DCSTAMP: variants seen among roughly 807,000 people sequenced by gnomAD.
The protein encoded by DCSTAMP is dendritic cell-specific transmembrane protein.
In DCSTAMP, 25 loss-of-function variants were observed where a neutral mutation model predicts 33.8. That is an observed-to-expected ratio of 0.74 (90% CI 0.54 to 1.03). The LOEUF (loss-of-function observed/expected upper bound fraction) is 1.03, where lower values mean the gene tolerates loss of function less well. Ranked by LOEUF, DCSTAMP falls within the 50% of genes least tolerant of loss-of-function variation. The pLI, the probability that DCSTAMP is intolerant of heterozygous loss-of-function variation, is 0.00. For missense variants in DCSTAMP, 531 were observed against 556.8 expected (o/e 0.95, Z 0.47); for synonymous variants, 245 against 216.7 (o/e 1.13, Z -1.15).
Position 104,349,362 on chromosome 8 carries a change from TAAGGAGGA to T in DCSTAMP, c.820_827del (p.Arg274ValfsTer12), listed in dbSNP as rs1384169057. The T allele has an allele frequency of 6.2e-7, 1 of 1,614,074 alleles. No individual in the cohort carries two copies. Among genetic ancestry groups the T allele is most frequent in the East Asian group, 2.2e-5 (1 of 44,878 alleles). ...AGAGGCCCTGTGTGCTCCCGCTGAA[TAAGGAGGA>T]AAGGAGGAAGTATGTCATCATCCCG... On this transcript the variant is annotated frameshift_variant, in exon 2 of 4. Transcript: ENST00000297581. LOFTEE classifies it high-confidence loss of function.
intron 1 of DCSTAMP, among the ~76,000 whole-genome samples, chr8:104,342,885 C>T (rs2099383183): frequency 6.6e-6 from 1 of 152,172 alleles, no homozygotes; most frequent in East Asian, 1.9e-4. Context: ...GTAACAGTCT[C>T]TGAGTAAAAT....
At chr8:104,356,085 A>G in intron 3 of DCSTAMP, 39 bp from the exon 4 acceptor site, 2 of 1,583,852 alleles carry the variant, frequency 1.3e-6, no homozygotes, top group Non-Finnish European at 1.7e-6. Context: ...AAATGACTCC[A>G]ACTCCAATGC....
At position 104,349,456 on chromosome 8, in the gene DCSTAMP, A is replaced by T; in HGVS notation, c.904A>T (p.Ile302Phe). Reference sequence around the variant, plus strand: ...GGGGCTGTTTTTCCTCCCCATACTTATCCATCTCTGCATCTGGGTGCTGTT... The same window carrying T: ...GGGGCTGTTTTTCCTCCCCATACTTTTCCATCTCTGCATCTGGGTGCTGTT... ...NLGLFFLPIL[I>F]HLCIWVLFAA... Residue 302 changes from isoleucine to phenylalanine, a missense_variant, in exon 2 of 4, where the codon ATC becomes TTC. Physicochemically the swap from Ile to Phe is conservative, Grantham distance 21 (BLOSUM62 0). Coordinates refer to ENST00000297581, the MANE Select transcript of DCSTAMP (RefSeq NM_030788.4). 1 of 1,614,138 alleles carries T rather than the reference A, an allele frequency of 6.2e-7. No individual in the cohort carries two copies. The highest frequency in any genetic ancestry group is 1.3e-5 in the African/African-American group (1 of 75,014).
intron 1 of DCSTAMP, among the ~76,000 whole-genome samples, chr8:104,342,473 C>T (rs1276785214): frequency 6.6e-6 from 1 of 152,240 alleles, no homozygotes; most frequent in Non-Finnish European, 1.5e-5. Context: ...CCATAGAGAA[C>T]TTTCAAGAAA....
In DCSTAMP at chr8:104,348,990, G is replaced by A; in HGVS notation, c.438G>A (p.Glu146=). Residue 146 remains glutamate, a synonymous_variant, in exon 2 of 4, where the codon GAG becomes GAA. Transcript: ENST00000297581. ...IHFPLLKKYI[E]AIQWIYGLAT... ...TTCCACTTTTGAAAAAATATATTGAGGCAATTCAGTGGATTTATGGCCTTG... is the reference window on the plus strand; with the variant it reads ...TTCCACTTTTGAAAAAATATATTGAAGCAATTCAGTGGATTTATGGCCTTG... 2 of 1,614,188 alleles carry A rather than the reference G, an allele frequency of 1.2e-6. No homozygotes were observed. Among genetic ancestry groups the A allele is most frequent in the Non-Finnish European group, 8.5e-7 (1 of 1,180,040 alleles).
chr8:104,344,366 A>C (rs1021759815), intron 1 of DCSTAMP, among the ~76,000 whole-genome samples: 5 of 152,200 alleles, frequency 3.3e-5, no homozygotes, highest in Admixed American at 1.3e-4. Flanking sequence ...ATTAAAATTA[A>C]GTAAAATTTA....
At chr8:104,355,675 T>G (rs1204052967) in intron 3 of DCSTAMP, among the ~76,000 whole-genome samples, 1 of 152,072 alleles carries the variant, frequency 6.6e-6, no homozygotes, top group African/African-American at 2.4e-5. Context: ...ATACATAAAA[T>G]GGACATATAT....
rs758375318 is a variant in DCSTAMP at position 104,349,532 on chromosome 8, A to T, written c.980A>T (p.Gln327Leu). The T allele has an allele frequency of 7.4e-6, 12 of 1,613,978 alleles. No homozygotes were observed. In the East Asian group the frequency reaches 2.0e-4, roughly 27 times the overall value. ...LYRLIFSVSK[Q>L]FQSLPGFEVH... Reference sequence around the variant, plus strand: ...CGGCTCATTTTCTCAGTGAGCAAGCAGTTTCAAAGCTTGCCAGGGTTTGAG... The same window carrying T: ...CGGCTCATTTTCTCAGTGAGCAAGCTGTTTCAAAGCTTGCCAGGGTTTGAG... Residue 327 changes from glutamine to leucine, a missense_variant, in exon 2 of 4, where the codon CAG becomes CTG. Coordinates refer to ENST00000297581, the MANE Select transcript of DCSTAMP (RefSeq NM_030788.4).
chr8:104,343,532 A>G (rs1359928124), intron 1 of DCSTAMP, among the ~76,000 whole-genome samples: 1 of 152,098 alleles, frequency 6.6e-6, no homozygotes, highest in Non-Finnish European at 1.5e-5. Context: ...CTGTATTTGG[A>G]AATTGGGTCT....
At chr8:104,342,669 C>A (rs2099383122) in intron 1 of DCSTAMP, among the ~76,000 whole-genome samples, 2 of 152,178 alleles carry the variant, frequency 1.3e-5, no homozygotes, top group Admixed American at 1.3e-4. Flanking sequence ...CTAAGTGCTG[C>A]CTGCAGGGGA....
At chr8:104,341,484 C>T (rs1354029416) in intron 1 of DCSTAMP, among the ~76,000 whole-genome samples, 1 of 152,184 alleles carries the variant, frequency 6.6e-6, no homozygotes, top group Non-Finnish European at 1.5e-5. Flanking sequence ...CTCAATGCTC[C>T]CACTGACACT....
chr8:104,348,309 T>C (rs976277941), intron 1 of DCSTAMP, among the ~76,000 whole-genome samples: 3 of 151,946 alleles, frequency 2.0e-5, no homozygotes, highest in Non-Finnish European at 1.5e-5. Flanking sequence ...CCGCATTCGA[T>C]TGGGCAAAGA....
In DCSTAMP at chr8:104,349,280, A is replaced by G. The variant is rs763529427; in HGVS notation, c.728A>G (p.Glu243Gly). 1.2e-6 allele frequency: 2 copies of G among 1,614,210 alleles called. No individual in the cohort carries two copies. Among genetic ancestry groups the G allele is most frequent in the Non-Finnish European group, 1.7e-6 (2 of 1,180,030 alleles). Reference sequence around the variant, plus strand: ...TTGGGCCCTTGTGGTTGGAAGTATGAAAACATCTACATCACCAGACAATTT... The same window carrying G: ...TTGGGCCCTTGTGGTTGGAAGTATGGAAACATCTACATCACCAGACAATTT... ...RFLGPCGWKY[E>G]NIYITRQFVQ... The change falls in exon 2 of 4, where the codon GAA becomes GGA. Residue 243 changes from glutamate (E) to glycine (G), a missense_variant. Transcript: ENST00000297581.
chr8:104,348,463 G>T, intron 1 of DCSTAMP, 78 bp from the exon 2 acceptor site: 1 of 1,425,668 alleles, frequency 7.0e-7, no homozygotes, highest in East Asian at 2.3e-5. Flanking sequence ...TTTGTAGTCA[G>T]TCTACCACCA....
At chr8:104,354,744 T>G (rs1226215679) in intron 2 of DCSTAMP, 133 bp from the exon 3 acceptor site, 1 of 612,526 alleles carries the variant, frequency 1.6e-6, no homozygotes, top group East Asian at 2.8e-5. Flanking sequence ...CAAAGGAAGA[T>G]GTGATAGTTC....
rs544777453 is a variant in DCSTAMP at position 104,355,140 on chromosome 8, G to A, written c.1293G>A (p.Gln431=). ...AGCTGCTTAAAAAAAGATCAAAGCA[G>A]CCGCTGGGAGAAGTCAAAAGACGGC... ...HAKLLKKRSK[Q]PLGEVKRRLS... is the part of the protein sequence containing the mutation. The change falls in exon 3 of 4, where the codon CAG becomes CAA. Residue 431 remains glutamine, a synonymous_variant. Coordinates refer to ENST00000297581, the MANE Select transcript of DCSTAMP (RefSeq NM_030788.4). 8.5e-5 allele frequency: 137 copies of A among 1,614,012 alleles called. No individual in the cohort carries two copies. In the South Asian group the frequency reaches 1.3e-3, roughly 16 times the overall value.
At chr8:104,355,747 C>A (rs1184186833) in intron 3 of DCSTAMP, among the ~76,000 whole-genome samples, 1 of 151,924 alleles carries the variant, frequency 6.6e-6, no homozygotes, top group Non-Finnish European at 1.5e-5. Flanking sequence ...AAAATTAGAA[C>A]CAAAGAATAA....
At chr8:104,355,610 A>G (rs1414335474) in intron 3 of DCSTAMP, among the ~76,000 whole-genome samples, 3 of 152,120 alleles carry the variant, frequency 2.0e-5, no homozygotes, top group Non-Finnish European at 4.4e-5. Context: ...ATATATAGAG[A>G]GAGGATATAC....
In DCSTAMP at chr8:104,348,625, G is replaced by A. The variant is rs1297595702; in HGVS notation, c.73G>A (p.Gly25Arg). 3.1e-6 allele frequency: 5 copies of A among 1,614,144 alleles called. No homozygotes were observed. Among genetic ancestry groups the A allele is most frequent in the Admixed American group, 1.7e-5 (1 of 60,024 alleles). Residue 25 changes from glycine (G) to arginine (R), a missense_variant, in exon 2 of 4, where the codon GGA becomes AGA. Physicochemically the swap from Gly to Arg is moderately radical, Grantham distance 125. Coordinates refer to ENST00000297581, the MANE Select transcript of DCSTAMP (RefSeq NM_030788.4). ...GATTTACGTGTCTCCAAGAAGCCCCGGATGGATGGACTTTATCCAGCATTT... is the reference window on the plus strand; with the variant it reads ...GATTTACGTGTCTCCAAGAAGCCCCAGATGGATGGACTTTATCCAGCATTT... ...WEIYVSPRSP[G>R]WMDFIQHLGV...
Sources: gnomAD v4.1 joint callset for allele counts (sites outside exome capture counted in the v4.1 genomes callset) on GRCh38, gnomAD v4.1.1 for gene constraint, MANE v1.5 for transcripts, NCBI Gene and HGNC (gene_info 2026-07-23, HGNC 2026-07-21) for gene names.